CEP128: variants seen among roughly 807,000 people sequenced by gnomAD.
The protein encoded by CEP128 is centrosomal protein 128.
In CEP128, 132 loss-of-function variants were observed where a neutral mutation model predicts 156.7. That is an observed-to-expected ratio of 0.84 (90% CI 0.73 to 0.97). CEP128 has a LOEUF of 0.97. CEP128 is among the 50% of genes least tolerant of loss of function. CEP128 has a pLI of 0.00. For missense variants in CEP128, 1,252 were observed against 1,281.9 expected (o/e 0.98, Z 0.36); for synonymous variants, 469 against 448.9 (o/e 1.04, Z -0.57).
intron 19 of CEP128, among the ~76,000 whole-genome samples, chr14:80,721,955 G>C (rs1897833350): frequency 6.6e-6 from 1 of 152,200 alleles, no homozygotes; most frequent in Non-Finnish European, 1.5e-5. Context: ...TACTGTGCTA[G>C]TCATGGAACA....
At chr14:80,766,570 C>T (rs1335363528) in intron 16 of CEP128, among the ~76,000 whole-genome samples, 6 of 152,026 alleles carry the variant, frequency 3.9e-5, no homozygotes, top group Admixed American at 3.9e-4. Flanking sequence ...TATGAGATTC[C>T]TTCAATGTCT....
rs776527948 is a variant in CEP128, at chr14:80,831,220, C to T, written c.1132G>A (p.Ala378Thr). The T allele has an allele frequency of 6.2e-7, 1 of 1,613,880 alleles. No individual in the cohort carries two copies. Among genetic ancestry groups the T allele is most frequent in the African/African-American group, 1.3e-5 (1 of 75,024 alleles). The change falls in exon 13 of 25, where the codon GCA becomes ACA. Residue 378 changes from alanine (A) to threonine (T), a missense_variant. Transcript: ENST00000555265. The part of the protein sequence containing the change: ...LRVQLNFSAM[A>T]SELEEVKRCM... ...CGTTTCACTTCCTCTAACTCAGATG[C>T]CATTGCGCTGAAGTTCAGCTGCACT...
chr14:80,872,883 CTTCTT>C (rs1888096048), intron 8 of CEP128, among the ~76,000 whole-genome samples: 3 of 152,164 alleles, frequency 2.0e-5, no homozygotes, highest in Non-Finnish European at 4.4e-5. Context: ...TTCAGAAGAC[CTTCTT>C]AATTCCAACA....
intron 19 of CEP128, among the ~76,000 whole-genome samples, chr14:80,596,816 T>TCA (rs1266168053): frequency 1.2e-3 from 1 of 808 alleles, no homozygotes; most frequent in African/African-American, 4.1e-3. Flanking sequence ...TGAGACACTG[T>TCA]CACAAAAAAA....
At chr14:80,893,900 C>T (rs1309599904) in intron 8 of CEP128, among the ~76,000 whole-genome samples, 12 of 151,924 alleles carry the variant, frequency 7.9e-5, no homozygotes, top group Non-Finnish European at 1.2e-4. Context: ...GACAAAGATA[C>T]GACTGTAAAG....
intron 19 of CEP128, among the ~76,000 whole-genome samples, chr14:80,658,882 A>T (rs1268600530): frequency 1.3e-5 from 2 of 152,170 alleles, no homozygotes; most frequent in African/African-American, 4.8e-5. Context: ...TCTCACAGCA[A>T]TGCTTAAAGT....
At chr14:80,777,235 T>C (rs550372326) in intron 16 of CEP128, among the ~76,000 whole-genome samples, 2 of 152,162 alleles carry the variant, frequency 1.3e-5, no homozygotes, top group African/African-American at 4.8e-5. Context: ...GGGAGGTGAT[T>C]GGGAGGTGAT....
intron 23 of CEP128, among the ~76,000 whole-genome samples, chr14:80,507,686 C>T (rs374402070): frequency 6.6e-6 from 1 of 152,158 alleles, no homozygotes; most frequent in Non-Finnish European, 1.5e-5. Context: ...ACAACTGAGA[C>T]AGACAGTGAG....
rs545637186 is a variant in CEP128, at chr14:80,655,602, A to G, written c.2807-75179T>C. On this transcript the variant is annotated intron_variant, in intron 19 of 24. Coordinates refer to ENST00000555265, the MANE Select transcript of CEP128 (RefSeq NM_152446.5). ...ATTCAGAGAACAACCACCTCTGGCC[A>G]GAGTGATTGGTTCCCAGGAAGACAG... is the stretch of plus-strand genomic sequence containing the variant. 3.3e-5 allele frequency among the ~76,000 whole-genome samples: 5 copies of G among 152,298 alleles called. No homozygotes were observed. The East Asian group carries it at 9.7e-4, about 29-fold the overall frequency.
At chr14:80,705,406 T>C (rs1408729595) in intron 19 of CEP128, among the ~76,000 whole-genome samples, 1 of 152,090 alleles carries the variant, frequency 6.6e-6, no homozygotes, top group Non-Finnish European at 1.5e-5. Flanking sequence ...CCCAGAGCTT[T>C]GGTCATATAC....
chr14:80,487,522 G>C (rs1212538015), downstream of CEP128, among the ~76,000 whole-genome samples: 5 of 152,056 alleles, frequency 3.3e-5, no homozygotes, highest in South Asian at 2.1e-4. Context: ...TGCACCAAGT[G>C]GACCTAATAG....
downstream of CEP128, chr14:80,476,970 A>G (rs982551141): frequency 6.6e-6 from 1 of 152,128 alleles, no homozygotes; most frequent in African/African-American, 2.4e-5. Flanking sequence ...AACTGTTCGT[A>G]AGAATCCTTC....
intron 19 of CEP128, among the ~76,000 whole-genome samples, chr14:80,694,292 G>A (rs570390477): frequency 6.6e-5 from 10 of 152,038 alleles, no homozygotes; most frequent in South Asian, 2.1e-4. Flanking sequence ...AAATTTTTAC[G>A]CCGTTGGTGG....
intron 16 of CEP128, among the ~76,000 whole-genome samples, chr14:80,773,883 G>A (rs1900646007): frequency 6.6e-6 from 1 of 152,132 alleles, no homozygotes; most frequent in Non-Finnish European, 1.5e-5. Context: ...TACTAGGGAT[G>A]GGAGAAAATT....
downstream of CEP128, among the ~76,000 whole-genome samples, chr14:80,495,491 C>G (rs1887462049): frequency 6.6e-6 from 1 of 152,008 alleles, no homozygotes; most frequent in Non-Finnish European, 1.5e-5. Flanking sequence ...ATTCATCCAA[C>G]AGTAGCACAG....
chr14:80,538,537 A>T (rs1383798972), intron 21 of CEP128, among the ~76,000 whole-genome samples: 1 of 152,180 alleles, frequency 6.6e-6, no homozygotes, highest in Non-Finnish European at 1.5e-5. Context: ...CCTAGATTCA[A>T]CTATTAACAT....
chr14:80,538,672 C>T (rs1193490021), intron 21 of CEP128, among the ~76,000 whole-genome samples: 1 of 152,198 alleles, frequency 6.6e-6, no homozygotes, highest in African/African-American at 2.4e-5. Context: ...CGTTCCCTCA[C>T]CTAATTCAGC....
chr14:80,783,441 T>C (rs1450795686), intron 15 of CEP128, among the ~76,000 whole-genome samples: 1 of 152,142 alleles, frequency 6.6e-6, no homozygotes, highest in African/African-American at 2.4e-5. Context: ...AGGGAGAAAA[T>C]AATACCACAC....
chr14:80,689,651 T>A (rs1283479127), intron 19 of CEP128, among the ~76,000 whole-genome samples: 3 of 152,186 alleles, frequency 2.0e-5, no homozygotes, highest in Admixed American at 1.3e-4. Context: ...TTGAAGAGTT[T>A]AAACAATACT....
Sources: gnomAD v4.1 joint callset for allele counts (sites outside exome capture counted in the v4.1 genomes callset) on GRCh38, gnomAD v4.1.1 for gene constraint, MANE v1.5 for transcripts, NCBI Gene and HGNC (gene_info 2026-07-23, HGNC 2026-07-21) for gene names.